Variants in LAMA2 observed in about 807,000 individuals in gnomAD.
The protein encoded by LAMA2 is laminin subunit alpha 2, also known as laminin subunit alpha-2.
A neutral mutation model predicts 364.8 loss-of-function variants in LAMA2; 269 were observed. The observed-to-expected ratio is 0.74, with a 90% CI of 0.67 to 0.82. LAMA2 has a LOEUF of 0.82. LAMA2 is among the 40% of genes least tolerant of loss of function. The probability of loss-of-function intolerance (pLI) is 0.00; values close to 1 mark genes in which losing one functional copy is unlikely to be tolerated. For missense variants in LAMA2, 3,807 were observed against 3,873.2 expected (o/e 0.98, Z 0.45); for synonymous variants, 1,379 against 1,370.6 (o/e 1.01, Z -0.14).
chr6:128,928,854 G>A, intron 1 of LAMA2: 1 of 636,012 alleles, frequency 1.6e-6, no homozygotes, highest in Non-Finnish European at 2.8e-6. Flanking sequence ...TCACCAATTT[G>A]AGTAAAGTGG....
intron 12 of LAMA2, among the ~76,000 whole-genome samples, chr6:129,194,230 G>T (rs1206994177): frequency 6.6e-6 from 1 of 151,676 alleles, no homozygotes; most frequent in African/African-American, 2.4e-5. Context: ...ACAACTGAGA[G>T]CTCCAAGAAG....
At chr6:129,306,313 CTTTTTTTTTTTT>C (rs11315443) in intron 22 of LAMA2, among the ~76,000 whole-genome samples, 1 of 70,416 alleles carries the variant, frequency 1.4e-5, no homozygotes, top group Admixed American at 1.5e-4. Flanking sequence ...TAATTTTTTC[CTTTTTTTTTTTT>C]TTTTTTTTGT....
chr6:129,249,912 A>T (rs1786049889), intron 12 of LAMA2, among the ~76,000 whole-genome samples, 200 bp from the exon 13 acceptor site: 1 of 152,180 alleles, frequency 6.6e-6, no homozygotes, highest in Non-Finnish European at 1.5e-5. Flanking sequence ...TGTTTATGTC[A>T]GGCTTGCAGT....
At chr6:129,181,980 T>C (rs1780958578) in intron 10 of LAMA2, among the ~76,000 whole-genome samples, 1 of 151,758 alleles carries the variant, frequency 6.6e-6, no homozygotes, top group Non-Finnish European at 1.5e-5. Context: ...GGAAAGAATA[T>C]TAAATAATAT....
chr6:129,408,395 A>G (rs1010111324), intron 40 of LAMA2, among the ~76,000 whole-genome samples: 4 of 152,212 alleles, frequency 2.6e-5, no homozygotes, highest in African/African-American at 9.6e-5. Flanking sequence ...AGTGAATTCC[A>G]TGAGCATGAG....
At chr6:129,060,423 C>G (rs997251450) in intron 3 of LAMA2, among the ~76,000 whole-genome samples, 5 of 152,180 alleles carry the variant, frequency 3.3e-5, no homozygotes, top group Non-Finnish European at 7.3e-5. Flanking sequence ...GGAAGTTGTT[C>G]AAGTTTGTCT....
At chr6:129,368,769 C>A (rs954204114) in intron 33 of LAMA2, among the ~76,000 whole-genome samples, 1 of 152,108 alleles carries the variant, frequency 6.6e-6, no homozygotes, top group Non-Finnish European at 1.5e-5. Context: ...TTATTTTGTT[C>A]TTCTTCCATC....
chr6:129,268,621 CAG>C (rs1787697352), intron 16 of LAMA2, among the ~76,000 whole-genome samples: 1 of 152,002 alleles, frequency 6.6e-6, no homozygotes, highest in African/African-American at 2.4e-5. Context: ...ACTAATAAAA[CAG>C]TGTCATTCAG....
chr6:129,472,359 A>G (rs1414385557), intron 51 of LAMA2, among the ~76,000 whole-genome samples: 1 of 151,946 alleles, frequency 6.6e-6, no homozygotes, highest in Non-Finnish European at 1.5e-5. Flanking sequence ...CGCATCAAGG[A>G]TGCATATGAA....
chr6:129,122,413 C>T (rs1039306206), intron 4 of LAMA2, among the ~76,000 whole-genome samples: 4 of 152,104 alleles, frequency 2.6e-5, no homozygotes, highest in African/African-American at 7.2e-5. Flanking sequence ...ACCATCTTAC[C>T]GATACTTAGA....
At chr6:129,165,147 T>G (rs1779666507) in intron 8 of LAMA2, among the ~76,000 whole-genome samples, 1 of 152,070 alleles carries the variant, frequency 6.6e-6, no homozygotes, top group East Asian at 1.9e-4. Flanking sequence ...ACATATGAAC[T>G]ATATTGAATA....
At chr6:129,390,631 A>T (rs140775269) in intron 35 of LAMA2, among the ~76,000 whole-genome samples, 253 of 152,240 alleles carry the variant, frequency 1.7e-3, no homozygotes, top group African/African-American at 5.9e-3. Flanking sequence ...AATTCACCAA[A>T]AAAATGTCCT....
intron 56 of LAMA2, among the ~76,000 whole-genome samples, chr6:129,489,024 T>A (rs980076078): frequency 4.6e-5 from 7 of 152,352 alleles, no homozygotes; most frequent in African/African-American, 1.7e-4. Context: ...TTAAATGAGA[T>A]GATATATTTG....
chr6:129,215,025 C>A (rs942557017), intron 12 of LAMA2, among the ~76,000 whole-genome samples: 1 of 152,134 alleles, frequency 6.6e-6, no homozygotes, highest in Non-Finnish European at 1.5e-5. Context: ...TTTTGTGGAG[C>A]ATGCTAGTAT....
At chr6:129,113,934 C>T (rs1776311179) in intron 4 of LAMA2, among the ~76,000 whole-genome samples, 1 of 151,978 alleles carries the variant, frequency 6.6e-6, no homozygotes, top group African/African-American at 2.4e-5. Context: ...GAAAATAGCA[C>T]AGTTGGTGCC....
At chr6:129,319,521 C>A (rs572145088) in intron 27 of LAMA2, among the ~76,000 whole-genome samples, 1 of 152,018 alleles carries the variant, frequency 6.6e-6, no homozygotes, top group Admixed American at 6.5e-5. Flanking sequence ...TACATGAGCC[C>A]CAGAAATTTA....
intron 12 of LAMA2, among the ~76,000 whole-genome samples, chr6:129,225,459 T>C (rs1261772794): frequency 6.6e-6 from 1 of 152,214 alleles, no homozygotes; most frequent in African/African-American, 2.4e-5. Context: ...CTGCTTTCTC[T>C]TGTGGGCATT....
intron 12 of LAMA2, among the ~76,000 whole-genome samples, chr6:129,202,383 G>A (rs1293249874): frequency 2.6e-5 from 4 of 151,976 alleles, no homozygotes; most frequent in African/African-American, 9.7e-5. Context: ...GAGTGATTAA[G>A]TCATGAGGGC....
intron 51 of LAMA2, among the ~76,000 whole-genome samples, chr6:129,470,959 A>G (rs1191114357): frequency 4.6e-5 from 7 of 151,914 alleles, no homozygotes; most frequent in Admixed American, 4.6e-4. Flanking sequence ...ATCAAGTAGG[A>G]TGCAAAGTTG....
Sources: allele counts gnomAD v4.1 joint callset (sites outside exome capture counted in the v4.1 genomes callset), GRCh38; gene constraint gnomAD v4.1.1; transcripts MANE v1.5; gene names NCBI Gene and HGNC (gene_info 2026-07-23, HGNC 2026-07-21).